XXYLT1: variants seen among roughly 807,000 people sequenced by gnomAD.
XXYLT1 encodes the protein UDP-xylose:alpha-xyloside alpha-1,3-xylosyltransferase.
A neutral mutation model predicts 28.9 loss-of-function variants in XXYLT1; 20 were observed. The observed-to-expected ratio is 0.69, with a 90% CI of 0.49 to 1.00. The LOEUF (loss-of-function observed/expected upper bound fraction) is 1.00. Among genes scored for constraint, XXYLT1 ranks in the 50% least tolerant of loss-of-function variants. The pLI is 0.00. For missense variants in XXYLT1, 542 were observed against 560.1 expected (o/e 0.97, Z 0.33); for synonymous variants, 257 against 253.8 (o/e 1.01, Z -0.12).
At chr3:195,222,770 G>A (rs1482519127) in intron 2 of XXYLT1, among the ~76,000 whole-genome samples, 3 of 151,982 alleles carry the variant, frequency 2.0e-5, no homozygotes, top group African/African-American at 7.3e-5. Context: ...TCATGACATA[G>A]CTTCATTTGT....
At chr3:195,242,085 T>C (rs1724801002) in intron 1 of XXYLT1, among the ~76,000 whole-genome samples, 1 of 152,142 alleles carries the variant, frequency 6.6e-6, no homozygotes, top group South Asian at 2.1e-4. Flanking sequence ...GCTCTGTAAA[T>C]GCTTGCTGCA....
Position 195,271,074 on chromosome 3 carries a change from G to T in XXYLT1, c.-16C>A. ...GGAGGCCCATGCGCTACGAGACCGC[G>T]GCGCCAGCGGTGCCAGCAACGCGGG... On this transcript the variant is annotated 5_prime_UTR_variant, in exon 1 of 4. Coordinates refer to ENST00000310380, the MANE Select transcript of XXYLT1 (RefSeq NM_152531.5). 1.5e-6 allele frequency: 2 copies of T among 1,322,436 alleles called. No homozygotes were observed. Among genetic ancestry groups the T allele is most frequent in the Non-Finnish European group, 1.9e-6 (2 of 1,039,632 alleles). 81.9% of individuals were successfully genotyped at this position (1,322,436 alleles called of 1,614,324 possible).
chr3:195,220,423 C>T (rs1435493280), intron 2 of XXYLT1, among the ~76,000 whole-genome samples: 3 of 152,208 alleles, frequency 2.0e-5, no homozygotes, highest in South Asian at 4.1e-4. Context: ...GGATTACAGG[C>T]GTGAGCCACC....
At chr3:195,072,774 A>C (rs12638373) in intron 3 of XXYLT1, among the ~76,000 whole-genome samples, 7,678 of 152,250 alleles carry the variant, frequency 0.05, 287 homozygotes, top group East Asian at 0.13. Flanking sequence ...AGGCGTCCCT[A>C]CTATCCCCAA....
intron 2 of XXYLT1, among the ~76,000 whole-genome samples, chr3:195,191,372 T>C (rs993907911): frequency 6.6e-6 from 1 of 152,236 alleles, no homozygotes; most frequent in South Asian, 2.1e-4. Flanking sequence ...ACTTAATGAA[T>C]AGTAAATATA....
intron 2 of XXYLT1, among the ~76,000 whole-genome samples, chr3:195,165,689 C>T (rs115270263): frequency 0.02 from 3,012 of 152,226 alleles, 53 homozygotes; most frequent in Non-Finnish European, 0.028. Flanking sequence ...TTCCTGTCTC[C>T]TGAGCCAGGA....
At chr3:195,179,339 T>A (rs1162973616) in intron 2 of XXYLT1, among the ~76,000 whole-genome samples, 3 of 132,848 alleles carry the variant, frequency 2.3e-5, no homozygotes, top group African/African-American at 2.9e-5. Flanking sequence ...AGACACCGTC[T>A]CAAAAAAAAA....
intron 3 of XXYLT1, among the ~76,000 whole-genome samples, chr3:195,100,856 G>A (rs1047124137): frequency 6.6e-5 from 10 of 152,354 alleles, no homozygotes; most frequent in Non-Finnish European, 1.3e-4. Flanking sequence ...GACAGAGACT[G>A]TGTCTTTTTA....
At chr3:195,104,595 G>A (rs973671075) in intron 3 of XXYLT1, among the ~76,000 whole-genome samples, 5 of 152,130 alleles carry the variant, frequency 3.3e-5, no homozygotes, top group South Asian at 4.2e-4. Flanking sequence ...GCGGGGACCC[G>A]GGAGATCCAG....
chr3:195,270,506 AG>A (rs1404679090), intron 1 of XXYLT1, 48 bp downstream of exon 1: 5 of 1,356,760 alleles, frequency 3.7e-6, no homozygotes, highest in Non-Finnish European at 4.7e-6. Flanking sequence ...GACCTCGCCT[AG>A]GATGGGGTGG....
chr3:195,084,045 GT>G (rs1308303901), intron 3 of XXYLT1, among the ~76,000 whole-genome samples: 6 of 151,996 alleles, frequency 3.9e-5, no homozygotes, highest in African/African-American at 1.2e-4. Context: ...AAAAAGTGAT[GT>G]GCTGATGGTC....
intron 3 of XXYLT1, among the ~76,000 whole-genome samples, chr3:195,137,478 G>A (rs1719259944): frequency 6.6e-6 from 1 of 152,174 alleles, no homozygotes; most frequent in Non-Finnish European, 1.5e-5. Context: ...GTAAGGGTGT[G>A]CACCTGCCTG....
chr3:195,184,786 G>A, intron 2 of XXYLT1: 3 of 985,356 alleles, frequency 3.0e-6, no homozygotes, highest in Non-Finnish European at 2.4e-6. Context: ...TGAAAGAAGT[G>A]ACTACTTCAA....
At chr3:195,265,905 A>G (rs1725835585) in intron 1 of XXYLT1, among the ~76,000 whole-genome samples, 1 of 152,124 alleles carries the variant, frequency 6.6e-6, no homozygotes, top group Non-Finnish European at 1.5e-5. Context: ...CTGCATTGAA[A>G]CGAGACATAA....
intron 3 of XXYLT1, among the ~76,000 whole-genome samples, chr3:195,088,122 T>G (rs1458030360): frequency 2.0e-5 from 3 of 151,300 alleles, no homozygotes; most frequent in Non-Finnish European, 4.4e-5. Context: ...GCGCCCGCCA[T>G]TGCCCAGGCT....
chr3:195,254,890 G>A (rs1725418474), intron 1 of XXYLT1, among the ~76,000 whole-genome samples: 1 of 152,238 alleles, frequency 6.6e-6, no homozygotes, highest in Admixed American at 6.5e-5. Context: ...GTGGTTCAGA[G>A]AATGTAAACA....
At chr3:195,260,293 G>C (rs1367757502) in intron 1 of XXYLT1, among the ~76,000 whole-genome samples, 14 of 151,766 alleles carry the variant, frequency 9.2e-5, no homozygotes, top group Non-Finnish European at 1.9e-4. Flanking sequence ...GGAGGGGCCA[G>C]CCCCGCCCAA....
At chr3:195,206,674 C>G (rs997956789) in intron 2 of XXYLT1, among the ~76,000 whole-genome samples, 2 of 151,632 alleles carry the variant, frequency 1.3e-5, no homozygotes, top group African/African-American at 4.8e-5. Context: ...GAGGCTGAGG[C>G]AGGAGAGTCA....
rs1200504008 is a variant in XXYLT1, at chr3:195,077,712, G to C, written c.786-7601C>G. Among the ~76,000 whole-genome samples the C allele has an allele frequency of 2.0e-5, 3 of 152,172 alleles. No homozygotes were observed. The highest frequency in any genetic ancestry group is 4.4e-5 in the Non-Finnish European group (3 of 68,010). On this transcript the variant is annotated intron_variant, in intron 3 of 3. Coordinates refer to ENST00000310380, the MANE Select transcript of XXYLT1 (RefSeq NM_152531.5). This position sits in a 1 kb window ranked among gnomAD's most constrained non-coding sequence, Gnocchi z 4.8. Reference sequence around the variant, plus strand: ...TGACCTGGTGCAGGGCAGCCCTTCAGCCCCCTGCAGGCGTCCGTTTCTCCA... The same window carrying C: ...TGACCTGGTGCAGGGCAGCCCTTCACCCCCCTGCAGGCGTCCGTTTCTCCA...
Sources: allele counts gnomAD v4.1 joint callset (sites outside exome capture counted in the v4.1 genomes callset), GRCh38; gene constraint gnomAD v4.1.1; non-coding constraint Gnocchi (gnomAD v3.1); transcripts MANE v1.5; gene names NCBI Gene and HGNC (gene_info 2026-07-23, HGNC 2026-07-21).